Variants in CCDC144A observed in about 807,000 individuals in gnomAD.
The protein encoded by CCDC144A is coiled-coil domain containing 144A, also known as coiled-coil domain-containing protein 144A.
A neutral mutation model predicts 143.8 loss-of-function variants in CCDC144A; 41 were observed. The observed-to-expected ratio is 0.29, with a 90% CI of 0.22 to 0.37. The LOEUF (loss-of-function observed/expected upper bound fraction) is 0.37. CCDC144A is among the 10% of genes least tolerant of loss of function. The probability of loss-of-function intolerance (pLI) is 1.00; values close to 1 mark genes in which losing one functional copy is unlikely to be tolerated. For missense variants in CCDC144A, 637 were observed against 1,488.8 expected (o/e 0.43, Z 9.41); for synonymous variants, 242 against 517.9 (o/e 0.47, Z 7.23).
chr17:16,691,684 G>A (rs149824135), intron 1 of CCDC144A: 5,409 of 152,462 alleles, frequency 0.035, 130 homozygotes, highest in Middle Eastern at 0.098. Flanking sequence ...AGAATGGCAT[G>A]AACCCAGGAG....
the CCDC144A span, among the ~76,000 whole-genome samples, chr17:16,675,398 G>A: frequency 6.6e-6 from 1 of 150,868 alleles, no homozygotes; most frequent in East Asian, 1.9e-4. Context: ...TAAAAGATAA[G>A]CTTGTCTTTT....
chr17:16,777,343 ATAC>A lies in CCDC144A; in HGVS notation c.*3711_*3713del, dbSNP rs1916036650. The A allele has an allele frequency of 6.6e-6, 1 of 152,180 alleles. No homozygotes were observed. Among genetic ancestry groups the A allele is most frequent in the South Asian group, 2.1e-4 (1 of 4,824 alleles). 9.4% of individuals were successfully genotyped at this position (152,180 alleles called of 1,614,324 possible). On this transcript the variant is annotated 3_prime_UTR_variant, in exon 17 of 17. Transcript: ENST00000399273. ...AACAAAGAAACAATGGACTTAAACTATACCCTGGAACATATGGACTTAACAGAT... is the reference window on the plus strand; with the variant it reads ...AACAAAGAAACAATGGACTTAAACTACCTGGAACATATGGACTTAACAGAT...
chr17:16,740,619 T>C (rs1453330625), intron 12 of CCDC144A, among the ~76,000 whole-genome samples: 2 of 152,148 alleles, frequency 1.3e-5, no homozygotes, highest in Non-Finnish European at 2.9e-5. Context: ...AAAGGGGAAA[T>C]TGCATTTAAT....
chr17:16,734,612 T>C, intron 11 of CCDC144A, 78 bp from the exon 12 acceptor site: 3 of 1,383,768 alleles, frequency 2.2e-6, no homozygotes, highest in South Asian at 1.6e-5. Context: ...CTTTTCATTG[T>C]ATACATTATT....
At chr17:16,672,870 T>C in the CCDC144A span, among the ~76,000 whole-genome samples, 1 of 152,114 alleles carries the variant, frequency 6.6e-6, no homozygotes, top group Non-Finnish European at 1.5e-5. Flanking sequence ...CTTTAAAATT[T>C]AGAAGGCCTA....
intron 12 of CCDC144A, among the ~76,000 whole-genome samples, chr17:16,756,095 A>T (rs1160517306): frequency 6.6e-6 from 1 of 152,074 alleles, no homozygotes; most frequent in Non-Finnish European, 1.5e-5. Flanking sequence ...GACATTTTTT[A>T]TTGTATTTCT....
chr17:16,726,549 G>A (rs1913436458), intron 8 of CCDC144A, among the ~76,000 whole-genome samples: 1 of 151,810 alleles, frequency 6.6e-6, no homozygotes, highest in Admixed American at 6.6e-5. Flanking sequence ...CAAGATCTTT[G>A]TGATGACTCT....
the CCDC144A span, among the ~76,000 whole-genome samples, chr17:16,678,751 G>GTATTTTT: frequency 1.3e-5 from 1 of 78,052 alleles, no homozygotes; most frequent in South Asian, 4.9e-4. Flanking sequence ...TGGCTAATTT[G>GTATTTTT]TTTTTTTTTT....
chr17:16,673,662 A>T, the CCDC144A span, among the ~76,000 whole-genome samples: 14 of 152,234 alleles, frequency 9.2e-5, no homozygotes, highest in African/African-American at 3.4e-4. Context: ...CTAGGATTAC[A>T]GGCGTGAGCC....
the CCDC144A span, among the ~76,000 whole-genome samples, chr17:16,669,804 A>G: frequency 6.6e-6 from 1 of 152,234 alleles, no homozygotes; most frequent in Non-Finnish European, 1.5e-5. Context: ...CAAAGCATGG[A>G]GCCTGCTACT....
intron 15 of CCDC144A, among the ~76,000 whole-genome samples, chr17:16,771,518 G>A (rs1048173706): frequency 2.0e-5 from 3 of 152,198 alleles, no homozygotes; most frequent in Non-Finnish European, 4.4e-5. Context: ...TGAATTAATA[G>A]CAAAGAACAT....
intron 12 of CCDC144A, among the ~76,000 whole-genome samples, chr17:16,756,664 C>T (rs1312090257): frequency 4.0e-5 from 6 of 150,696 alleles, no homozygotes; most frequent in Non-Finnish European, 8.8e-5. Context: ...TGGAGAATTA[C>T]TCTGTTCCTT....
At chr17:16,700,623 G>A (rs1281201182) in intron 2 of CCDC144A, among the ~76,000 whole-genome samples, 1 of 152,152 alleles carries the variant, frequency 6.6e-6, no homozygotes, top group African/African-American at 2.4e-5. Context: ...ATGCCCCTGA[G>A]TAAATTTTTG....
At chr17:16,713,142 CA>C (rs1912546170) in intron 6 of CCDC144A, among the ~76,000 whole-genome samples, 1 of 152,074 alleles carries the variant, frequency 6.6e-6, no homozygotes, top group Non-Finnish European at 1.5e-5. Flanking sequence ...AAGAATTGGA[CA>C]GCTATTTTTG....
At chr17:16,668,259 C>T in the CCDC144A span, among the ~76,000 whole-genome samples, 8 of 152,138 alleles carry the variant, frequency 5.3e-5, no homozygotes, top group Non-Finnish European at 4.4e-5. Context: ...ATTATTGCTG[C>T]GTTACAAGCT....
upstream of CCDC144A, among the ~76,000 whole-genome samples, chr17:16,685,032 TTTTGG>T (rs941089331): frequency 4.6e-5 from 7 of 152,216 alleles, no homozygotes; most frequent in African/African-American, 1.7e-4. Flanking sequence ...TAATACATTT[TTTTGG>T]TTTGGTTTGG....
At chr17:16,683,642 T>C in the CCDC144A span, 3 of 1,610,582 alleles carry the variant, frequency 1.9e-6, no homozygotes, top group Non-Finnish European at 2.5e-6. Context: ...CCTGGGACTT[T>C]GTCAGGAAAT....
At chr17:16,753,927 A>T (rs1359529942) in intron 12 of CCDC144A, among the ~76,000 whole-genome samples, 1 of 152,254 alleles carries the variant, frequency 6.6e-6, no homozygotes, top group Non-Finnish European at 1.5e-5. Flanking sequence ...TTTTTCCTTA[A>T]AAGTTTAGTA....
At position 16,713,161 on chromosome 17, in the gene CCDC144A, C is replaced by T. The variant is rs988033247; in HGVS notation, c.1715+1346C>T. On this transcript the variant is annotated intron_variant, in intron 6 of 16. Transcript: ENST00000399273. ...ATTGGACAGCTATTTTTGTAAAGAG[C>T]CAGTTAGTAAATATTTTAGGCCTTG... is the stretch of plus-strand genomic sequence containing the variant. Among the ~76,000 whole-genome samples, 243 of 152,052 alleles carry T rather than the reference C, an allele frequency of 1.6e-3. 2 individuals are homozygous for T. The highest frequency in any genetic ancestry group is 5.6e-3 in the African/African-American group (230 of 41,430).
Sources: allele counts gnomAD v4.1 joint callset (sites outside exome capture counted in the v4.1 genomes callset), GRCh38; gene constraint gnomAD v4.1.1; transcripts MANE v1.5; gene names NCBI Gene and HGNC (gene_info 2026-07-23, HGNC 2026-07-21).